DPP6: variants seen among roughly 807,000 people sequenced by gnomAD.
The protein encoded by DPP6 is dipeptidyl peptidase like 6.
DPP6 carries 69 observed loss-of-function variants against 122.6 expected under a neutral mutation model. That is an observed-to-expected ratio of 0.56 (90% confidence interval 0.46 to 0.69). DPP6 has a LOEUF of 0.69. DPP6 is among the 30% of genes least tolerant of loss of function. The pLI is 0.00. For synonymous variants in DPP6, 418 were observed against 433.1 expected, an observed-to-expected ratio of 0.97 and a Z score of 0.43; for missense variants, 928 against 1,116.9, an observed-to-expected ratio of 0.83 and a Z score of 2.41.
chr7:154,164,640 T>C (rs1045815039), intron 1 of DPP6, among the ~76,000 whole-genome samples: 8 of 152,124 alleles, frequency 5.3e-5, no homozygotes, highest in African/African-American at 1.9e-4. Flanking sequence ...ATCCTTCCCC[T>C]AGCCTTCAGC....
chr7:154,795,699 G>A (rs1456496490), intron 11 of DPP6, 146 bp from the exon 12 acceptor site: 28 of 1,150,762 alleles, frequency 2.4e-5, no homozygotes, highest in Middle Eastern at 2.0e-4. Flanking sequence ...CAGAGCTGCC[G>A]TGGCAGCTGT....
At chr7:154,455,126 C>T (rs753794467) in intron 2 of DPP6, among the ~76,000 whole-genome samples, 68 of 152,170 alleles carry the variant, frequency 4.5e-4, no homozygotes, top group Non-Finnish European at 7.8e-4. Context: ...GCTTCACTCG[C>T]CCACACGCAC....
chr7:154,863,344 A>ATTTTT lies in DPP6; in HGVS notation c.1715-4640_1715-4636dup, dbSNP rs36007704. 3.6e-3 allele frequency among the ~76,000 whole-genome samples: 505 copies of ATTTTT among 141,540 alleles called. 4 individuals carry two copies. The highest frequency in any genetic ancestry group is 0.013 in the African/African-American group (478 of 38,108). 92.9% of individuals were successfully genotyped at this position (141,540 alleles called of 152,430 possible). A position where few individuals can be genotyped will look rare whatever the true frequency, so the allele number is the denominator to read the frequency against. ...CAAGATTCTACAATCCTTTCATAGG[A>ATTTTT]TTTTTTTTTTTTTTTGAGATGGGGG... On this transcript the variant is annotated intron_variant, in intron 17 of 25. Coordinates refer to ENST00000377770, the MANE Select transcript of DPP6 (RefSeq NM_130797.4). The surrounding 1 kb of genome is among the most constrained non-coding windows in gnomAD (Gnocchi z 4.1).
chr7:154,155,673 T>C (rs541468617), intron 1 of DPP6, among the ~76,000 whole-genome samples: 4 of 152,212 alleles, frequency 2.6e-5, no homozygotes, highest in African/African-American at 9.6e-5. Flanking sequence ...GTAATCATCA[T>C]TGCAGTGAGT....
At chr7:154,016,762 T>G (rs2533847) in intron 1 of DPP6, among the ~76,000 whole-genome samples, 1 of 151,542 alleles carries the variant, frequency 6.6e-6, no homozygotes, top group African/African-American at 2.5e-5. Flanking sequence ...CTAATTTAAT[T>G]CCCACCAACA....
intron 8 of DPP6, among the ~76,000 whole-genome samples, chr7:154,761,602 C>G (rs1031989192): frequency 3.9e-5 from 6 of 152,164 alleles, no homozygotes; most frequent in African/African-American, 1.2e-4. Flanking sequence ...CAGGAAGCTT[C>G]CAGTCACGGC....
At chr7:154,160,361 GC>G (rs1796917353) in intron 1 of DPP6, among the ~76,000 whole-genome samples, 1 of 152,182 alleles carries the variant, frequency 6.6e-6, no homozygotes, top group Non-Finnish European at 1.5e-5. Context: ...TTATTGTGCT[GC>G]AAAGTCACCT....
At chr7:154,455,902 T>C (rs1030833945) in intron 2 of DPP6, among the ~76,000 whole-genome samples, 1 of 152,228 alleles carries the variant, frequency 6.6e-6, no homozygotes, top group African/African-American at 2.4e-5. Context: ...CTCTGGAGTC[T>C]CTTGCCTGCT....
chr7:154,187,803 A>G (rs1366841947), intron 1 of DPP6, among the ~76,000 whole-genome samples: 2 of 151,470 alleles, frequency 1.3e-5, no homozygotes, highest in East Asian at 3.9e-4. Flanking sequence ...ATGATTCTGC[A>G]TGTCAGTAGT....
chr7:154,213,371 T>G (rs1216931517), intron 1 of DPP6, among the ~76,000 whole-genome samples: 2 of 152,234 alleles, frequency 1.3e-5, no homozygotes, highest in African/African-American at 4.8e-5. Flanking sequence ...CCATGAAGGC[T>G]GCAACTTATT....
chr7:153,873,643 G>A, the DPP6 span, among the ~76,000 whole-genome samples: 2 of 152,202 alleles, frequency 1.3e-5, no homozygotes. Context: ...CTTGTGAACA[G>A]GTGAATGGAT....
intron 3 of DPP6, among the ~76,000 whole-genome samples, chr7:154,487,632 T>C (rs1471105047): frequency 2.6e-5 from 4 of 152,212 alleles, no homozygotes; most frequent in African/African-American, 7.2e-5. Flanking sequence ...TTCTGCCGCG[T>C]CCTCTTTTTA....
At chr7:153,898,981 A>G (rs960873304) in intron 1 of DPP6, among the ~76,000 whole-genome samples, 67 of 152,242 alleles carry the variant, frequency 4.4e-4, no homozygotes, top group African/African-American at 1.6e-3. Context: ...CCATTATTCA[A>G]GAAGGGAAAG....
At chr7:153,929,180 C>T (rs1220523284) in intron 1 of DPP6, among the ~76,000 whole-genome samples, 2 of 152,210 alleles carry the variant, frequency 1.3e-5, no homozygotes, top group Admixed American at 6.5e-5. Flanking sequence ...CAGGGACACC[C>T]TTCAGGAGGC....
chr7:154,878,278 A>G lies in DPP6; in HGVS notation c.2078+2178A>G, dbSNP rs193055731. On this transcript the variant is annotated intron_variant, in intron 20 of 25. Coordinates refer to ENST00000377770, the MANE Select transcript of DPP6 (RefSeq NM_130797.4). ...GAGGGCAAAGGTGTTTCACACACAC[A>G]CACGTCGTGCCCTAAAAAGAAGGAA... 3.9e-3 allele frequency among the ~76,000 whole-genome samples: 594 copies of G among 152,340 alleles called. 3 individuals are homozygous for G. Among genetic ancestry groups the G allele is most frequent in the African/African-American group, 0.014 (569 of 41,578 alleles).
chr7:154,032,867 CT>C lies in DPP6; in HGVS notation c.51+145134del, dbSNP rs1169467948. Among the ~76,000 whole-genome samples, 843 of 147,708 alleles carry C rather than the reference CT, an allele frequency of 5.7e-3. 12 individuals are homozygous for C. Among genetic ancestry groups the C allele is most frequent in the African/African-American group, 0.02 (789 of 38,724 alleles). On this transcript the variant is annotated intron_variant, in intron 1 of 25. Coordinates refer to the DPP6 transcript ENST00000404039. ...CACCGACCCCATCCCCCATCCCCCC[CT>C]ACCCCCTTGTTGTGTGGGGCAATTC... is the stretch of plus-strand genomic sequence containing the variant.
chr7:154,218,718 A>G (rs1443590419), intron 1 of DPP6, among the ~76,000 whole-genome samples: 1 of 152,244 alleles, frequency 6.6e-6, no homozygotes, highest in Non-Finnish European at 1.5e-5. Context: ...CTCAGAAACT[A>G]TCTTTCAGCT....
At chr7:153,767,587 C>G in the DPP6 span, among the ~76,000 whole-genome samples, 1 of 150,952 alleles carries the variant, frequency 6.6e-6, no homozygotes, top group Admixed American at 6.6e-5. Flanking sequence ...CCGTGTTAGC[C>G]AGGCTGGTCT....
At position 154,307,618 on chromosome 7, in the gene DPP6, G is replaced by A. The variant is rs568761433; in HGVS notation, c.244-138596G>A. 2.4e-4 allele frequency among the ~76,000 whole-genome samples: 36 copies of A among 152,210 alleles called. No homozygotes were observed. The South Asian group carries it at 7.5e-3, about 32-fold the overall frequency. On this transcript the variant is annotated intron_variant, in intron 1 of 25. Coordinates refer to ENST00000377770, the MANE Select transcript of DPP6 (RefSeq NM_130797.4). ...ACCTTACCTGGGGTCTGAACACACT[G>A]CTTAGAACATAAAGAGGTAAATAAC...
Sources: gnomAD v4.1 joint callset for allele counts (sites outside exome capture counted in the v4.1 genomes callset) on GRCh38, gnomAD v4.1.1 for gene constraint, Gnocchi (gnomAD v3.1) non-coding constraint, MANE v1.5 for transcripts, NCBI Gene and HGNC (gene_info 2026-07-23, HGNC 2026-07-21) for gene names.